CSMD1: variants seen among roughly 807,000 people sequenced by gnomAD.
The protein encoded by CSMD1 is CUB and sushi domain-containing protein 1.
A neutral mutation model predicts 417.5 loss-of-function variants in CSMD1; 213 were observed. The observed-to-expected ratio is 0.51, with a 90% CI of 0.46 to 0.57. The LOEUF is 0.57. Ranked by LOEUF, CSMD1 falls within the 20% of genes least tolerant of loss-of-function variation. The pLI is 0.00. For synonymous variants in CSMD1, 2,862 were observed against 1,736.8 expected (o/e 1.65, Z -16.11); for missense variants, 6,923 against 4,529.7 (o/e 1.53, Z -15.17).
At chr8:4,440,411 T>C (rs1415534502) in intron 2 of CSMD1, among the ~76,000 whole-genome samples, 2 of 152,200 alleles carry the variant, frequency 1.3e-5, no homozygotes, top group African/African-American at 4.8e-5. Context: ...CTCACACCTA[T>C]ATCTAATTAT....
chr8:3,825,080 G>A (rs1230826492), intron 5 of CSMD1, among the ~76,000 whole-genome samples: 1 of 152,152 alleles, frequency 6.6e-6, no homozygotes, highest in Non-Finnish European at 1.5e-5. Context: ...AGGTATGTGT[G>A]CTTTATTTCT....
At chr8:4,503,273 C>T (rs932573484) in intron 2 of CSMD1, among the ~76,000 whole-genome samples, 2 of 152,106 alleles carry the variant, frequency 1.3e-5, no homozygotes, top group Non-Finnish European at 2.9e-5. Context: ...GCCTGCTTGA[C>T]ATTTATGATA....
chr8:4,007,828 A>G (rs1489825292), intron 4 of CSMD1, among the ~76,000 whole-genome samples: 1 of 152,160 alleles, frequency 6.6e-6, no homozygotes, highest in African/African-American at 2.4e-5. Flanking sequence ...GAATCAAACC[A>G]TATCCTCTCT....
chr8:3,588,180 C>T (rs1051042998), intron 8 of CSMD1, among the ~76,000 whole-genome samples: 7 of 152,056 alleles, frequency 4.6e-5, no homozygotes, highest in African/African-American at 1.4e-4. Flanking sequence ...TTTCATCATT[C>T]TTTCAATATA....
chr8:3,253,170 C>T (rs966943290), intron 26 of CSMD1, among the ~76,000 whole-genome samples: 1 of 151,920 alleles, frequency 6.6e-6, no homozygotes, highest in Non-Finnish European at 1.5e-5. Flanking sequence ...GCATTTAGTG[C>T]TATAAATTTC....
chr8:4,600,785 T>C (rs1009470801), intron 2 of CSMD1, among the ~76,000 whole-genome samples: 3 of 152,270 alleles, frequency 2.0e-5, no homozygotes, highest in South Asian at 2.1e-4. Flanking sequence ...TGTTAGTAAC[T>C]TCAGACGTAA....
intron 3 of CSMD1, among the ~76,000 whole-genome samples, chr8:4,084,310 A>G (rs1800305227): frequency 7.3e-6 from 1 of 137,650 alleles, no homozygotes; most frequent in African/African-American, 2.6e-5. Flanking sequence ...AAAAGTGACA[A>G]AAAATATTGG....
chr8:4,584,391 C>T (rs1448190615), intron 2 of CSMD1, among the ~76,000 whole-genome samples: 4 of 152,064 alleles, frequency 2.6e-5, no homozygotes, highest in Non-Finnish European at 5.9e-5. Flanking sequence ...CTATTCTGTC[C>T]TATTTTTCAT....
At chr8:3,694,968 AT>A (rs1352507317) in intron 7 of CSMD1, among the ~76,000 whole-genome samples, 2 of 152,076 alleles carry the variant, frequency 1.3e-5, no homozygotes, top group Non-Finnish European at 2.9e-5. Context: ...AGTAGTGAAA[AT>A]TGTATCCTAC....
In CSMD1 at chr8:3,276,317, C is replaced by G. The variant is rs371900755; in HGVS notation, c.4153+7827G>C. Among the ~76,000 whole-genome samples the G allele has an allele frequency of 1.2e-3, 177 of 152,286 alleles. 4 individuals are homozygous for G. The South Asian group carries it at 0.034, about 29-fold the overall frequency. ...GCTGCATGCTGGGAGAACCACTGCT[C>G]TCTTCAAAGCTCAGATGGAAATGCA... On this transcript the variant is annotated intron_variant, in intron 26 of 69. Transcript: ENST00000635120.
At chr8:3,446,956 C>A (rs991002387) in intron 12 of CSMD1, among the ~76,000 whole-genome samples, 1 of 152,134 alleles carries the variant, frequency 6.6e-6, no homozygotes, top group African/African-American at 2.4e-5. Flanking sequence ...TCTGCTCACA[C>A]ATAGTGACTT....
intron 3 of CSMD1, among the ~76,000 whole-genome samples, chr8:4,376,049 A>G (rs556187569): frequency 1.3e-5 from 2 of 152,202 alleles, no homozygotes; most frequent in Non-Finnish European, 1.5e-5. Flanking sequence ...CTTGATATCT[A>G]TACTGAAGCT....
chr8:3,912,667 T>A lies in CSMD1; in HGVS notation c.818+85236A>T, dbSNP rs117883121. ...TCCTCAAGTGGAAAAAAGTGGAGCA[T>A]GTTTGATAAACTGAGAAATACATGC... On this transcript the variant is annotated intron_variant, in intron 5 of 69. Transcript: ENST00000635120. 9.3e-3 allele frequency among the ~76,000 whole-genome samples: 1,418 copies of A among 152,268 alleles called. 13 individuals carry two copies. The highest frequency in any genetic ancestry group is 0.015 in the Non-Finnish European group (1,046 of 68,024).
chr8:4,647,834 G>C (rs1169657909), intron 1 of CSMD1, among the ~76,000 whole-genome samples: 1 of 152,134 alleles, frequency 6.6e-6, no homozygotes, highest in Non-Finnish European at 1.5e-5. Flanking sequence ...CGTTTGGGTT[G>C]GTTCCAAGTC....
intron 3 of CSMD1, among the ~76,000 whole-genome samples, chr8:4,229,015 G>A (rs983827703): frequency 6.6e-6 from 1 of 152,136 alleles, no homozygotes; most frequent in Admixed American, 6.5e-5. Context: ...ATGAAATTGA[G>A]ACACATATAT....
At chr8:4,746,228 C>T (rs1049527673) in intron 1 of CSMD1, among the ~76,000 whole-genome samples, 3 of 152,184 alleles carry the variant, frequency 2.0e-5, no homozygotes. Flanking sequence ...TCACCGAAAA[C>T]GTATGGCCAA....
intron 1 of CSMD1, among the ~76,000 whole-genome samples, chr8:4,744,056 G>C (rs1810796593): frequency 6.6e-6 from 1 of 152,182 alleles, no homozygotes; most frequent in Non-Finnish European, 1.5e-5. Context: ...TTTTTCTTAT[G>C]CGGCTTTGAT....
intron 3 of CSMD1, among the ~76,000 whole-genome samples, chr8:4,049,279 G>T (rs895720935): frequency 2.0e-5 from 3 of 151,758 alleles, no homozygotes; most frequent in Non-Finnish European, 2.9e-5. Flanking sequence ...TATTTGCTGT[G>T]GAGATTGTCT....
chr8:3,732,531 G>A (rs999387878), intron 6 of CSMD1, among the ~76,000 whole-genome samples: 3 of 151,788 alleles, frequency 2.0e-5, no homozygotes, highest in Admixed American at 2.0e-4. Flanking sequence ...CTGAGACTCT[G>A]TATAATTTCT....
Sources: gnomAD v4.1 joint callset for allele counts (sites outside exome capture counted in the v4.1 genomes callset) on GRCh38, gnomAD v4.1.1 for gene constraint, MANE v1.5 for transcripts, NCBI Gene and HGNC (gene_info 2026-07-23, HGNC 2026-07-21) for gene names.